Variants in VPS54 observed in about 807,000 individuals in gnomAD.
The protein encoded by VPS54 is VPS54 subunit of GARP complex, also known as vacuolar protein sorting-associated protein 54.
A neutral mutation model predicts 121.5 loss-of-function variants in VPS54; 45 were observed. The observed-to-expected ratio is 0.37, with a 90% CI of 0.29 to 0.47. The LOEUF (loss-of-function observed/expected upper bound fraction) is 0.47, where lower values mean the gene tolerates loss of function less well. VPS54 is among the 20% of genes least tolerant of loss of function. The probability of loss-of-function intolerance (pLI) is 0.99; values close to 1 mark genes in which losing one functional copy is unlikely to be tolerated. For missense variants in VPS54, 1,090 were observed against 1,131.4 expected (o/e 0.96, Z 0.52); for synonymous variants, 371 against 385.8 (o/e 0.96, Z 0.45).
rs377441890 is a variant in VPS54, at chr2:63,902,656, G to A, written c.2626-3075C>T. Among the ~76,000 whole-genome samples, 16 of 152,186 alleles carry A rather than the reference G, an allele frequency of 1.1e-4. No homozygotes were observed. In the East Asian group the frequency reaches 1.9e-3, roughly 18 times the overall value. On this transcript the variant is annotated intron_variant, in intron 20 of 22. Transcript: ENST00000272322. ...TGAGAGAGAATCCAGATGTTGAAAC[G>A]ATTAGAGGGAGATATAAAAATAACT... is the stretch of plus-strand genomic sequence containing the variant.
chr2:63,953,115 T>C (rs1054155418), intron 7 of VPS54, among the ~76,000 whole-genome samples: 2 of 150,232 alleles, frequency 1.3e-5, no homozygotes, highest in Non-Finnish European at 3.0e-5. Context: ...CACAACCCCA[T>C]GAAATTTTTA....
At chr2:63,953,513 GT>G (rs1204559900) in intron 7 of VPS54, among the ~76,000 whole-genome samples, 1 of 152,074 alleles carries the variant, frequency 6.6e-6, no homozygotes, top group Non-Finnish European at 1.5e-5. Context: ...AAAAACCATT[GT>G]TATATTCAAG....
At chr2:63,910,426 G>A (rs908490058) in intron 20 of VPS54, among the ~76,000 whole-genome samples, 1 of 152,152 alleles carries the variant, frequency 6.6e-6, no homozygotes, top group African/African-American at 2.4e-5. Context: ...AATGCAATCT[G>A]TGAACCGTGT....
chr2:63,933,829 G>A lies in VPS54; in HGVS notation c.1583C>T (p.Thr528Ile), dbSNP rs768389603. ...ISDAFGEGEL[T>I]PIAVDTTSQR... Reference sequence around the variant, plus strand: ...AGAGGTAGTGTCAACTGCTATAGGTGTTAGCTCACCCTCACCGAATGCATC... The same window carrying A: ...AGAGGTAGTGTCAACTGCTATAGGTATTAGCTCACCCTCACCGAATGCATC... The change falls in exon 12 of 23, where the codon ACA becomes ATA. Residue 528 changes from threonine (T) to isoleucine (I), a missense_variant. By Grantham distance (89) the Thr-to-Ile change is moderately conservative (BLOSUM62 -1). Around this residue, in one of 2 missense-constraint regions of VPS54, gnomAD observed 801 missense variants for 757.0 expected, o/e 1.06. Transcript: ENST00000272322. 8.7e-6 allele frequency: 14 copies of A among 1,613,738 alleles called. No homozygotes were observed. The highest frequency in any genetic ancestry group is 6.7e-5 in the African/African-American group (5 of 74,906).
chr2:63,924,010 C>G (rs1399353056), intron 12 of VPS54, among the ~76,000 whole-genome samples: 1 of 152,166 alleles, frequency 6.6e-6, no homozygotes, highest in Non-Finnish European at 1.5e-5. Context: ...ATTTATGTGT[C>G]TACTGAACAT....
intron 12 of VPS54, among the ~76,000 whole-genome samples, chr2:63,932,652 TAAA>T (rs770433517): frequency 3.9e-5 from 5 of 126,734 alleles, no homozygotes; most frequent in Non-Finnish European, 8.6e-5. Flanking sequence ...ACTTAAAGTA[TAAA>T]AAAAAAAAAA....
At chr2:64,002,702 A>C (rs1677944724) in intron 1 of VPS54, among the ~76,000 whole-genome samples, 1 of 152,222 alleles carries the variant, frequency 6.6e-6, no homozygotes, top group South Asian at 2.1e-4. Flanking sequence ...GGAGAAAAAC[A>C]CATGGTTTAC....
intron 11 of VPS54, among the ~76,000 whole-genome samples, chr2:63,942,188 GAAC>G (rs1009692830): frequency 4.0e-5 from 6 of 151,820 alleles, no homozygotes; most frequent in Admixed American, 2.6e-4. Context: ...TAACCTAGGA[GAAC>G]AAAAAATCAC....
At position 63,939,471 on chromosome 2, in the gene VPS54, AATT is replaced by A. The variant is rs1450890727; in HGVS notation, c.1398+2991_1398+2993del. Among the ~76,000 whole-genome samples the A allele has an allele frequency of 4.0e-4, 61 of 152,208 alleles. 1 individual carries two copies. Among genetic ancestry groups the A allele is most frequent in the Admixed American group, 2.6e-3 (40 of 15,274 alleles). On this transcript the variant is annotated intron_variant, in intron 11 of 22. Coordinates refer to ENST00000272322, the MANE Select transcript of VPS54 (RefSeq NM_016516.3). Reference sequence around the variant, plus strand: ...ATAAATGCAACAATGTAGGAGAGTAAATTATTAACCCTGGTAAATCAAACAAGA... The same window carrying A: ...ATAAATGCAACAATGTAGGAGAGTAAATTAACCCTGGTAAATCAAACAAGA...
chr2:63,920,338 T>G, intron 14 of VPS54, 108 bp downstream of exon 14: 1 of 1,086,500 alleles, frequency 9.2e-7, no homozygotes, highest in Non-Finnish European at 1.2e-6. Context: ...TAAAAAAACC[T>G]TTATCAGGCA....
Position 63,979,522 on chromosome 2 carries a change from T to C in VPS54, c.378+2124A>G, listed in dbSNP as rs561100615. On this transcript the variant is annotated intron_variant, in intron 3 of 22. Transcript: ENST00000272322. The stretch of plus-strand genomic sequence containing the variant: ...TCCCAAAGTGCTGGGATTACAGGCA[T>C]GAGCCACTGCACCCAGCCATTTTTC... Among the ~76,000 whole-genome samples, 106 of 152,358 alleles carry C rather than the reference T, an allele frequency of 7.0e-4. 2 individuals carry two copies. The East Asian group carries it at 0.02, about 29-fold the overall frequency.
chr2:63,976,314 G>A (rs1345102387), intron 3 of VPS54, among the ~76,000 whole-genome samples: 2 of 146,066 alleles, frequency 1.4e-5, no homozygotes, highest in South Asian at 2.1e-4. Flanking sequence ...TCCTGCCACC[G>A]CACTCCAGCC....
rs2104404350 is a variant in VPS54, at chr2:63,900,822, G to A, written c.2626-1241C>T. Among the ~76,000 whole-genome samples the A allele has an allele frequency of 2.0e-5, 3 of 152,212 alleles. No individual in the cohort carries two copies. In the East Asian group the frequency reaches 5.8e-4, roughly 29 times the overall value. ...TCTGATGACAAGCTGGAGTGCAGTGGTGCAATCTCAGCTCATTGCAACCTC... is the reference window on the plus strand; with the variant it reads ...TCTGATGACAAGCTGGAGTGCAGTGATGCAATCTCAGCTCATTGCAACCTC... On this transcript the variant is annotated intron_variant, in intron 20 of 22. Transcript: ENST00000272322.
intron 7 of VPS54, among the ~76,000 whole-genome samples, chr2:63,953,126 ATTTT>A: frequency 8.4e-6 from 1 of 119,224 alleles, no homozygotes; most frequent in African/African-American, 3.2e-5. Flanking sequence ...GAAATTTTTA[ATTTT>A]TTTTTTTTTT....
intron 5 of VPS54, among the ~76,000 whole-genome samples, chr2:63,966,548 T>G (rs1676011727): frequency 6.6e-6 from 1 of 152,218 alleles, no homozygotes; most frequent in African/African-American, 2.4e-5. Flanking sequence ...CTCCACAGCA[T>G]TCAGTAGTTC....
chr2:63,921,990 T>A (rs979477634), intron 12 of VPS54, among the ~76,000 whole-genome samples: 2 of 152,198 alleles, frequency 1.3e-5, no homozygotes, highest in Non-Finnish European at 2.9e-5. Context: ...AGGGAAGGAA[T>A]GTTATTTCAT....
At chr2:63,933,251 A>G (rs17562177) in intron 12 of VPS54, among the ~76,000 whole-genome samples, 23,212 of 152,102 alleles carry the variant, frequency 0.15, 2,022 homozygotes, top group Middle Eastern at 0.2. Flanking sequence ...TTGAAAAACC[A>G]AAAGTTATAA....
rs1674891042 is a variant in VPS54 at position 63,944,603 on chromosome 2, A to G, written c.1298T>C (p.Val433Ala). 6.2e-7 allele frequency: 1 copy of G among 1,609,094 alleles called. No individual in the cohort carries two copies. Among genetic ancestry groups the G allele is most frequent in the Non-Finnish European group, 8.5e-7 (1 of 1,177,344 alleles). ...CAACCTATATATTTATACTTACTTC[A>G]CAACAACATCTGTGTCTATTTCTTC... ...QTEEIDTDVV[V>A]KLADQMRMLN... Residue 433 changes from valine to alanine, a missense_variant, in exon 10 of 23, where the codon GTG (valine) becomes GCG (alanine). Coordinates refer to ENST00000272322, the MANE Select transcript of VPS54 (RefSeq NM_016516.3).
At chr2:64,000,226 A>G (rs953033340) in intron 1 of VPS54, among the ~76,000 whole-genome samples, 3 of 152,142 alleles carry the variant, frequency 2.0e-5, no homozygotes, top group South Asian at 2.1e-4. Context: ...CAACTCCAGA[A>G]TATCTGTTTA....
Sources: gnomAD v4.1 joint callset for allele counts (sites outside exome capture counted in the v4.1 genomes callset) on GRCh38, gnomAD v4.1.1 for gene constraint, gnomAD v4.1.1 regional missense constraint, MANE v1.5 for transcripts, NCBI Gene and HGNC (gene_info 2026-07-23, HGNC 2026-07-21) for gene names.